Variants in SATB1 observed in about 807,000 individuals in gnomAD.
The protein encoded by SATB1 is SATB homeobox 1.
Under a neutral mutation model 86.9 loss-of-function variants are expected in SATB1, and 11 were observed. The ratio of observed to expected loss-of-function variants is 0.13; its 90% CI spans 0.08 to 0.21. SATB1 has a LOEUF of 0.21. Ranked by LOEUF, SATB1 falls within the 10% of genes least tolerant of loss-of-function variation. The pLI, the probability that SATB1 is intolerant of heterozygous loss-of-function variation, is 1.00. For synonymous variants in SATB1, 357 were observed against 357.2 expected (o/e 1.00, Z 0.01); for missense variants, 551 against 937.6 (o/e 0.59, Z 5.39).
chr3:18,349,435 T>A lies in SATB1; in HGVS notation c.2027A>T (p.Gln676Leu). 6.2e-7 allele frequency: 1 copy of A among 1,614,220 alleles called. No homozygotes were observed. The highest frequency in any genetic ancestry group is 1.1e-5 in the South Asian group (1 of 91,086). The change falls in exon 11 of 11, where the codon CAG becomes CTG. Residue 676 changes from glutamine (Q) to leucine (L), a missense_variant. This residue lies in a region of SATB1 where 33 missense variants were observed against 85.4 expected (regional missense o/e 0.39). Coordinates refer to ENST00000338745, the MANE Select transcript of SATB1 (RefSeq NM_002971.6). The surrounding 1 kb of genome is among the most constrained non-coding windows in gnomAD (Gnocchi z 5.5). ...AAGGTCGAGCTGGGCAGACAGAGTC[T>A]GGATGGCCTCTTCGTCAGGGTACAG... ...VGLYPDEEAI[Q>L]TLSAQLDLPK...
intron 7 of SATB1, among the ~76,000 whole-genome samples, chr3:18,391,083 A>G (rs9880336): frequency 0.23 from 34,679 of 152,032 alleles, 4,364 homozygotes; most frequent in Non-Finnish European, 0.26. Flanking sequence ...AAGTAACTAT[A>G]TAAGTTTACC....
upstream of SATB1, among the ~76,000 whole-genome samples, chr3:18,443,055 GCAGCT>G (rs1699281708): frequency 6.6e-6 from 1 of 152,106 alleles, no homozygotes; most frequent in Non-Finnish European, 1.5e-5. The surrounding 1 kb of genome is among the most constrained non-coding windows in gnomAD (Gnocchi z 4.4). Context: ...TTTGATTTTT[GCAGCT>G]ACATTTGACC....
At chr3:18,405,491 A>C (rs746731656) in intron 5 of SATB1, among the ~76,000 whole-genome samples, 3 of 152,050 alleles carry the variant, frequency 2.0e-5, no homozygotes, top group Non-Finnish European at 2.9e-5. Flanking sequence ...CATTTTCCAA[A>C]AGTAAATATT....
At chr3:18,416,209 C>G in intron 3 of SATB1, 76 bp from the exon 4 acceptor site, 3 of 1,172,396 alleles carry the variant, frequency 2.6e-6, no homozygotes, top group South Asian at 3.4e-5. Flanking sequence ...GTGTTCTTTT[C>G]TTTTCTACTA....
At chr3:18,378,509 T>G (rs1283322266) in intron 8 of SATB1, among the ~76,000 whole-genome samples, 184 bp from the exon 9 acceptor site, 5 of 152,160 alleles carry the variant, frequency 3.3e-5, no homozygotes, top group Admixed American at 6.5e-5. Context: ...AGTCACATTG[T>G]CACAGGTGAT....
chr3:18,389,185 G>A (rs1345262847), intron 7 of SATB1, among the ~76,000 whole-genome samples: 1 of 148,080 alleles, frequency 6.8e-6, no homozygotes, highest in East Asian at 2.0e-4. Context: ...ATAAAGTGAT[G>A]TTTCAAACCC....
At chr3:18,437,309 G>GA (rs537962568) in intron 1 of SATB1, among the ~76,000 whole-genome samples, 79 of 149,396 alleles carry the variant, frequency 5.3e-4, no homozygotes, top group Admixed American at 2.0e-3. Flanking sequence ...ACACTGGAAA[G>GA]AAAAAAAAAC....
chr3:18,413,342 A>G (rs1697957051), intron 5 of SATB1, among the ~76,000 whole-genome samples: 1 of 152,134 alleles, frequency 6.6e-6, no homozygotes, highest in Non-Finnish European at 1.5e-5. Flanking sequence ...AAATATTTGT[A>G]ACGACAGCCT....
chr3:18,406,931 T>C (rs1012518593), intron 5 of SATB1, among the ~76,000 whole-genome samples: 24 of 152,056 alleles, frequency 1.6e-4, no homozygotes, highest in Admixed American at 1.6e-3. Flanking sequence ...GTCTGACGAA[T>C]ATTCCCGAGT....
chr3:18,371,387 G>T (rs375486933), intron 9 of SATB1, among the ~76,000 whole-genome samples: 7 of 151,950 alleles, frequency 4.6e-5, no homozygotes, highest in Admixed American at 4.6e-4. Flanking sequence ...CTAAAATATA[G>T]ATATATATAT....
At chr3:18,371,068 C>T (rs889551287) in intron 9 of SATB1, among the ~76,000 whole-genome samples, 3 of 152,078 alleles carry the variant, frequency 2.0e-5, no homozygotes, top group Admixed American at 6.5e-5. Context: ...ATCTGATTTA[C>T]GAAATCAGAG....
intron 1 of SATB1, chr3:18,421,238 TAAA>T: frequency 3.6e-6 from 1 of 281,298 alleles, no homozygotes; most frequent in Non-Finnish European, 6.6e-6. Flanking sequence ...AACTGGCCTA[TAAA>T]AAAACTAAGT....
In SATB1 at chr3:18,423,896, T is replaced by C. The variant is rs985607377; in HGVS notation, c.-294A>G. On this transcript the variant is annotated 5_prime_UTR_variant, in exon 1 of 11. It removes the in-frame stop codon of an upstream open reading frame in the 5' UTR. Coordinates refer to ENST00000338745, the MANE Select transcript of SATB1 (RefSeq NM_002971.6). ...ATGAGAAAGGGGTTTAAAAAAAAAA[T>C]CACAATTCGAAAACCAACATATAGG... is the stretch of plus-strand genomic sequence containing the variant. The C allele has an allele frequency of 6.6e-6, 1 of 150,894 alleles. No homozygotes were observed. Among genetic ancestry groups the C allele is most frequent in the Non-Finnish European group, 1.5e-5 (1 of 67,734 alleles). 9.3% of individuals were successfully genotyped at this position (150,894 alleles called of 1,614,324 possible).
chr3:18,434,688 C>T (rs1183632382), intron 2 of SATB1, among the ~76,000 whole-genome samples: 1 of 151,498 alleles, frequency 6.6e-6, no homozygotes, highest in Non-Finnish European at 1.5e-5. Flanking sequence ...GATCAGGTTC[C>T]GTATCTATAA....
At chr3:18,439,358 A>G (rs970156372), upstream of SATB1, among the ~76,000 whole-genome samples, 40 of 152,250 alleles carry the variant, frequency 2.6e-4, no homozygotes, top group African/African-American at 7.7e-4. Context: ...AAGAAATGCT[A>G]CACTACTAAA....
intron 2 of SATB1, chr3:18,417,821 TA>T: frequency 1.8e-6 from 1 of 569,020 alleles, no homozygotes; most frequent in South Asian, 2.3e-5. Flanking sequence ...GTAAATAAGG[TA>T]AAAATGAGAG....
intron 8 of SATB1, among the ~76,000 whole-genome samples, chr3:18,380,154 A>T (rs1329555687): frequency 6.6e-6 from 1 of 152,040 alleles, no homozygotes; most frequent in Admixed American, 6.6e-5. Context: ...TATTTTTCTC[A>T]CTGCTTAAAT....
intron 1 of SATB1, among the ~76,000 whole-genome samples, chr3:18,423,130 G>C (rs1405552178): frequency 1.3e-5 from 2 of 152,160 alleles, no homozygotes; most frequent in African/African-American, 2.4e-5. Context: ...AGGCCTGCTT[G>C]GATGACAGCA....
intron 2 of SATB1, among the ~76,000 whole-genome samples, chr3:18,431,873 T>C (rs1575184027): frequency 1.3e-5 from 2 of 152,186 alleles, no homozygotes; most frequent in Admixed American, 6.5e-5. Context: ...TGAGGAACCA[T>C]AATAAACTAG....
Sources: allele counts gnomAD v4.1 joint callset (sites outside exome capture counted in the v4.1 genomes callset), GRCh38; gene constraint gnomAD v4.1.1; regional missense constraint gnomAD v4.1.1; non-coding constraint Gnocchi (gnomAD v3.1); transcripts MANE v1.5; gene names NCBI Gene and HGNC (gene_info 2026-07-23, HGNC 2026-07-21).